MAF: variants seen among roughly 807,000 people sequenced by gnomAD.
MAF encodes MAF bZIP transcription factor.
In MAF, 10 loss-of-function variants were observed where a neutral mutation model predicts 22.0. The observed-to-expected ratio is 0.45, with a 90% confidence interval of 0.28 to 0.77. The LOEUF is 0.77. Ranked by LOEUF, MAF falls within the 30% of genes least tolerant of loss-of-function variation. The pLI is 0.12. For synonymous variants in MAF, 337 were observed against 255.8 expected, an observed-to-expected ratio of 1.32 and a Z score of -3.03; for missense variants, 544 against 548.4, an observed-to-expected ratio of 0.99 and a Z score of 0.08.
the MAF span, among the ~76,000 whole-genome samples, chr16:79,408,566 CT>C: frequency 1.3e-5 from 2 of 151,842 alleles, no homozygotes; most frequent in African/African-American, 4.8e-5. Flanking sequence ...TAAACTGGAA[CT>C]AATAATCTGT....
At chr16:79,481,867 G>A in the MAF span, among the ~76,000 whole-genome samples, 178 of 152,320 alleles carry the variant, frequency 1.2e-3, no homozygotes, top group Middle Eastern at 0.02. Flanking sequence ...GACAGTCACA[G>A]GAAGGTGTTA....
At chr16:79,569,220 G>C in the MAF span, among the ~76,000 whole-genome samples, 1 of 152,214 alleles carries the variant, frequency 6.6e-6, no homozygotes, top group Admixed American at 6.5e-5. Flanking sequence ...TCTTCCCTGT[G>C]CATTGTAGAA....
the MAF span, among the ~76,000 whole-genome samples, chr16:79,487,149 G>C: frequency 6.7e-6 from 1 of 149,860 alleles, no homozygotes; most frequent in Non-Finnish European, 1.5e-5. Context: ...GACCCATTCA[G>C]TTATAGAACC....
At chr16:79,335,435 T>A in the MAF span, among the ~76,000 whole-genome samples, 1 of 152,164 alleles carries the variant, frequency 6.6e-6, no homozygotes, top group African/African-American at 2.4e-5. Context: ...ATTTGAAATT[T>A]ATATTTGTAT....
At chr16:79,414,109 T>C in the MAF span, among the ~76,000 whole-genome samples, 4 of 152,204 alleles carry the variant, frequency 2.6e-5, no homozygotes, top group East Asian at 1.9e-4. Flanking sequence ...ACCTCATACA[T>C]TCTCTTACTT....
the MAF span, among the ~76,000 whole-genome samples, chr16:79,320,148 T>G: frequency 6.6e-6 from 1 of 151,732 alleles, no homozygotes; most frequent in African/African-American, 2.4e-5. Context: ...TCCAGGAGAG[T>G]TTGGTGCATA....
At chr16:79,299,135 G>A in the MAF span, among the ~76,000 whole-genome samples, 1 of 152,094 alleles carries the variant, frequency 6.6e-6, no homozygotes, top group Admixed American at 6.5e-5. Context: ...CTCCTCTGCT[G>A]TCATTTTATA....
At chr16:79,470,941 G>A in the MAF span, among the ~76,000 whole-genome samples, 1 of 152,238 alleles carries the variant, frequency 6.6e-6, no homozygotes, top group Admixed American at 6.5e-5. Context: ...GGAAAAGAAT[G>A]AATAAAGTAT....
chr16:79,258,704 T>G, the MAF span, among the ~76,000 whole-genome samples: 29 of 152,304 alleles, frequency 1.9e-4, no homozygotes, highest in South Asian at 5.6e-3. Flanking sequence ...TGGTAGTCAG[T>G]TAGGCACCCA....
At chr16:79,234,685 T>G in the MAF span, among the ~76,000 whole-genome samples, 1 of 152,070 alleles carries the variant, frequency 6.6e-6, no homozygotes, top group African/African-American at 2.4e-5. Context: ...AAGCAGGTAG[T>G]GGTAGCCCCT....
At chr16:79,267,970 T>C in the MAF span, among the ~76,000 whole-genome samples, 2 of 152,282 alleles carry the variant, frequency 1.3e-5, no homozygotes, top group African/African-American at 4.8e-5. Flanking sequence ...GTTCTCCGGC[T>C]TGTGGGACTT....
At chr16:79,370,031 A>G in the MAF span, among the ~76,000 whole-genome samples, 1 of 152,224 alleles carries the variant, frequency 6.6e-6, no homozygotes, top group African/African-American at 2.4e-5. Context: ...CTGAAATAAA[A>G]TGCCAATAAG....
At chr16:79,350,988 T>C in the MAF span, among the ~76,000 whole-genome samples, 1 of 152,058 alleles carries the variant, frequency 6.6e-6, no homozygotes, top group Non-Finnish European at 1.5e-5. Flanking sequence ...ACATTCTTTT[T>C]TCACTTGCAG....
the MAF span, among the ~76,000 whole-genome samples, chr16:79,339,111 C>T: frequency 6.6e-6 from 1 of 151,734 alleles, no homozygotes; most frequent in Admixed American, 6.6e-5. Context: ...TCACTGTCGC[C>T]CAGGCTGGAG....
At chr16:79,407,712 G>T in the MAF span, among the ~76,000 whole-genome samples, 1 of 151,796 alleles carries the variant, frequency 6.6e-6, no homozygotes, top group South Asian at 2.1e-4. Context: ...CAGACATATG[G>T]CTTCATTATA....
chr16:79,439,232 T>C, the MAF span, among the ~76,000 whole-genome samples: 1 of 151,278 alleles, frequency 6.6e-6, no homozygotes, highest in South Asian at 2.1e-4. Flanking sequence ...TCACCATCCC[T>C]ATCGTCCTAT....
chr16:79,565,298 A>G, the MAF span, among the ~76,000 whole-genome samples: 3 of 152,180 alleles, frequency 2.0e-5, no homozygotes, highest in South Asian at 6.2e-4. Flanking sequence ...CATATTGTCG[A>G]TGGCAGGGTT....
At chr16:79,374,158 C>T in the MAF span, among the ~76,000 whole-genome samples, 9 of 152,264 alleles carry the variant, frequency 5.9e-5, no homozygotes, top group African/African-American at 1.4e-4. Context: ...AAGGCAATCC[C>T]GGTTGGTGCT....
downstream of MAF, among the ~76,000 whole-genome samples, chr16:79,589,817 C>T (rs1913081106): frequency 6.6e-6 from 1 of 152,150 alleles, no homozygotes; most frequent in Non-Finnish European, 1.5e-5. Context: ...TGGGTGGGCG[C>T]GGGGCCCTGG....
Sources: allele counts gnomAD v4.1 joint callset (sites outside exome capture counted in the v4.1 genomes callset), GRCh38; gene constraint gnomAD v4.1.1; transcripts MANE v1.5; gene names NCBI Gene and HGNC (gene_info 2026-07-23, HGNC 2026-07-21).